The following PCDHA6 variants were observed in gnomAD, a reference collection of about 807,000 sequenced individuals.
PCDHA6 encodes the protein protocadherin alpha 6, also known as protocadherin alpha-6.
A neutral mutation model predicts 60.3 loss-of-function variants in PCDHA6; 55 were observed. The observed-to-expected ratio is 0.91, with a 90% CI of 0.73 to 1.14. The LOEUF is 1.14. PCDHA6 is among the 50% of genes most tolerant of loss of function. The pLI, the probability that PCDHA6 is intolerant of heterozygous loss-of-function variation, is 0.00. For synonymous variants in PCDHA6, 652 were observed against 557.9 expected (o/e 1.17, Z -2.38); for missense variants, 1,327 against 1,256.5 (o/e 1.06, Z -0.85).
rs140143048 is a variant in PCDHA6 at position 140,842,939 on chromosome 5, G to T, written c.2394+12454G>T. 2.5e-6 allele frequency: 4 copies of T among 1,594,572 alleles called. No homozygotes were observed. In the East Asian group the frequency reaches 8.9e-5, roughly 36 times the overall value. ...GCAGTTCCAGGTGAGCGCGCGCGACGCGGGCGTGCCGCCTCTGGGCAGCAA... is the reference window on the plus strand; with the variant it reads ...GCAGTTCCAGGTGAGCGCGCGCGACTCGGGCGTGCCGCCTCTGGGCAGCAA... On this transcript the variant is annotated intron_variant, in intron 1 of 3. Coordinates refer to ENST00000529310, the MANE Select transcript of PCDHA6 (RefSeq NM_018909.4).
At chr5:140,962,224 A>C (rs2095665980) in intron 1 of PCDHA6, among the ~76,000 whole-genome samples, 1 of 152,152 alleles carries the variant, frequency 6.6e-6, no homozygotes. Flanking sequence ...TTGAGGTTCA[A>C]GTTTCACTTA....
rs1464673358 is a variant in PCDHA6 at position 140,894,228 on chromosome 5, A to T, written c.2394+63743A>T. 2.6e-5 allele frequency among the ~76,000 whole-genome samples: 4 copies of T among 152,088 alleles called. No homozygotes were observed. In the South Asian group the frequency reaches 8.3e-4, roughly 31 times the overall value. ...TTATATTCTCATTTTAAAGATGTTG[A>T]ATGACAATGTAATTTTCTTTTCTTT... is the stretch of plus-strand genomic sequence containing the variant. On this transcript the variant is annotated intron_variant, in intron 1 of 3. Transcript: ENST00000529310.
chr5:140,836,528 G>A, intron 1 of PCDHA6: 2 of 1,613,816 alleles, frequency 1.2e-6, no homozygotes, highest in Non-Finnish European at 8.5e-7. Context: ...TGCTTACCCT[G>A]CTGCTGTACA....
At chr5:140,836,368 C>G (rs183521691) in intron 1 of PCDHA6, 2 of 1,613,746 alleles carry the variant, frequency 1.2e-6, no homozygotes, top group African/African-American at 1.3e-5. Flanking sequence ...CTGACAGCCA[C>G]AGCCACCGTG....
At chr5:140,850,216 A>G (rs1390676090) in intron 1 of PCDHA6, 5 of 1,593,446 alleles carry the variant, frequency 3.1e-6, no homozygotes, top group Non-Finnish European at 4.3e-6. Flanking sequence ...AGGGGCACTG[A>G]CGGCGCAGTG....
In PCDHA6 at chr5:141,005,964, A is replaced by G. The variant is rs189203283; in HGVS notation, c.2543-3663A>G. On this transcript the variant is annotated intron_variant, in intron 3 of 3. Transcript: ENST00000529310. The stretch of plus-strand genomic sequence containing the variant: ...CCTATCTCTAACAAACAACAATAAA[A>G]AAACAATTCCAAAGAGTGTTTGAGG... 1.8e-3 allele frequency among the ~76,000 whole-genome samples: 274 copies of G among 152,152 alleles called. 1 individual carries two copies. Among genetic ancestry groups the G allele is most frequent in the Middle Eastern group, 6.8e-3 (2 of 294 alleles).
In PCDHA6 at chr5:140,937,565, T is replaced by C. The variant is rs528061401; in HGVS notation, c.2395-41384T>C. ...CTGCGAGGCAGAGGTTGCAGTGAGC[T>C]GGGATCGCGTCACTGCACTCTAGCC... On this transcript the variant is annotated intron_variant, in intron 1 of 3. Transcript: ENST00000529310. Among the ~76,000 whole-genome samples the C allele has an allele frequency of 1.9e-3, 290 of 151,276 alleles. 1 individual carries two copies. The highest frequency in any genetic ancestry group is 6.8e-3 in the African/African-American group (279 of 40,958).
chr5:140,892,580 A>C (rs1462175198), intron 1 of PCDHA6, among the ~76,000 whole-genome samples: 2 of 152,198 alleles, frequency 1.3e-5, no homozygotes, highest in Admixed American at 1.3e-4. Context: ...AGTATATCTC[A>C]GTATTCATTC....
chr5:140,881,241 T>C, intron 1 of PCDHA6: 1 of 382,456 alleles, frequency 2.6e-6, no homozygotes, highest in Non-Finnish European at 3.6e-6. Context: ...TCAATTTAAA[T>C]GACGGCAAGG....
intron 1 of PCDHA6, among the ~76,000 whole-genome samples, chr5:140,971,214 C>T (rs1285730991): frequency 6.6e-6 from 1 of 152,172 alleles, no homozygotes; most frequent in African/African-American, 2.4e-5. Flanking sequence ...GTTACCCTCC[C>T]TCTCCTGACT....
At chr5:140,876,647 A>T in intron 1 of PCDHA6, 1 of 1,614,178 alleles carries the variant, frequency 6.2e-7, no homozygotes, top group Non-Finnish European at 8.5e-7. Flanking sequence ...CTGACACCTC[A>T]TGTTCCCTTC....
intron 1 of PCDHA6, among the ~76,000 whole-genome samples, chr5:140,926,054 T>A (rs1018660828): frequency 6.6e-6 from 1 of 152,182 alleles, no homozygotes; most frequent in African/African-American, 2.4e-5. Flanking sequence ...CCCAACCTTC[T>A]TCCCCTCCTT....
chr5:140,906,192 C>G (rs2072444836), intron 1 of PCDHA6, among the ~76,000 whole-genome samples: 1 of 152,182 alleles, frequency 6.6e-6, no homozygotes, highest in Non-Finnish European at 1.5e-5. Context: ...TCAATCCAAT[C>G]AAGTTGACAC....
chr5:140,911,724 C>T (rs1255448143), intron 1 of PCDHA6, among the ~76,000 whole-genome samples: 1 of 151,192 alleles, frequency 6.6e-6, no homozygotes, highest in Non-Finnish European at 1.5e-5. Context: ...ACTCTGTAAA[C>T]AGTTCGTGCC....
chr5:140,879,578 A>G (rs1298190690), intron 1 of PCDHA6, among the ~76,000 whole-genome samples: 4 of 152,244 alleles, frequency 2.6e-5, no homozygotes, highest in African/African-American at 9.6e-5. Context: ...AATTGCCAAG[A>G]CAGACATTGA....
intron 1 of PCDHA6, chr5:140,858,351 T>G: frequency 6.3e-7 from 1 of 1,594,234 alleles, no homozygotes; most frequent in Non-Finnish European, 8.6e-7. Context: ...GCGGACCTCA[T>G]GGCCTTCAGC....
chr5:140,849,263 T>C, intron 1 of PCDHA6: 3 of 1,126,864 alleles, frequency 2.7e-6, no homozygotes, highest in African/African-American at 1.9e-5. Context: ...AAAACGTTTC[T>C]ATCGGAACGC....
intron 1 of PCDHA6, among the ~76,000 whole-genome samples, chr5:140,942,450 C>A (rs1017198131): frequency 6.6e-6 from 1 of 151,378 alleles, no homozygotes; most frequent in African/African-American, 2.4e-5. Flanking sequence ...AGTAAACTAT[C>A]AATTATAATA....
chr5:140,876,920 A>G (rs782247870), intron 1 of PCDHA6: 1 of 1,613,928 alleles, frequency 6.2e-7, no homozygotes, highest in Non-Finnish European at 8.5e-7. Context: ...TGGGACGCGG[A>G]CGCGCAGAAG....
Sources: gnomAD v4.1 joint callset for allele counts (sites outside exome capture counted in the v4.1 genomes callset) on GRCh38, gnomAD v4.1.1 for gene constraint, MANE v1.5 for transcripts, NCBI Gene and HGNC (gene_info 2026-07-23, HGNC 2026-07-21) for gene names.